The following B3GALT1 variants were observed in gnomAD, a reference collection of about 807,000 sequenced individuals.
The protein encoded by B3GALT1 is beta-1,3-galactosyltransferase 1, also known as UDP-Gal:betaGlcNAc beta 1,3-galactosyltransferase, polypeptide 1.
A neutral mutation model predicts 23.2 loss-of-function variants in B3GALT1; 10 were observed. That is an observed-to-expected ratio of 0.43 (90% CI 0.27 to 0.73). The LOEUF (loss-of-function observed/expected upper bound fraction) is 0.73, where lower values mean the gene tolerates loss of function less well. Ranked by LOEUF, B3GALT1 falls within the 30% of genes least tolerant of loss-of-function variation. The pLI is 0.21. For missense variants in B3GALT1, 299 were observed against 405.4 expected (o/e 0.74, Z 2.25); for synonymous variants, 156 against 141.5 (o/e 1.10, Z -0.73).
In B3GALT1 at chr2:167,869,782, C is replaced by T; in HGVS notation, c.743C>T (p.Ala248Val). The T allele has an allele frequency of 6.2e-7, 1 of 1,614,150 alleles. No homozygotes were observed. Among genetic ancestry groups the T allele is most frequent in the Non-Finnish European group, 8.5e-7 (1 of 1,180,022 alleles). Residue 248 changes from alanine to valine, a missense_variant, in exon 5 of 5, where the codon GCT becomes GTT. Around this residue, in one of 3 missense-constraint regions of B3GALT1, gnomAD observed 133 missense variants for 204.8 expected, o/e 0.65. Transcript: ENST00000392690. The surrounding 1 kb of genome is among the most constrained non-coding windows in gnomAD (Gnocchi z 6.4). The part of the protein sequence containing the change: ...GTGYIFSADV[A>V]ELIYKTSLHT... ...GGCTACATCTTTTCAGCCGATGTAG[C>T]TGAACTCATTTACAAGACCTCACTC... is the stretch of plus-strand genomic sequence containing the variant.
intron 4 of B3GALT1, among the ~76,000 whole-genome samples, chr2:167,843,931 C>G (rs1313626794): frequency 6.6e-6 from 1 of 152,188 alleles, no homozygotes; most frequent in African/African-American, 2.4e-5. Flanking sequence ...GTTTCTAGGA[C>G]AAGGCTTTAT....
intron 3 of B3GALT1, among the ~76,000 whole-genome samples, chr2:167,740,364 A>G (rs987452465): frequency 6.6e-6 from 1 of 152,130 alleles, no homozygotes; most frequent in African/African-American, 2.4e-5. Context: ...CTCTCCAGGA[A>G]TGTTGGTACA....
intron 1 of B3GALT1, among the ~76,000 whole-genome samples, chr2:167,448,853 G>T (rs1282991389): frequency 6.6e-6 from 1 of 152,024 alleles, no homozygotes; most frequent in South Asian, 2.1e-4. Flanking sequence ...TGTTGAATAG[G>T]GTGTGCTTTC....
chr2:167,750,976 A>G (rs1311878983), intron 3 of B3GALT1, among the ~76,000 whole-genome samples: 1 of 152,170 alleles, frequency 6.6e-6, no homozygotes, highest in Non-Finnish European at 1.5e-5. Flanking sequence ...CAGATGGTAA[A>G]TATTTTTGGC....
chr2:167,692,044 C>A (rs970515312), intron 3 of B3GALT1, among the ~76,000 whole-genome samples: 1 of 152,082 alleles, frequency 6.6e-6, no homozygotes, highest in Admixed American at 6.6e-5. Context: ...GCAAATAAAA[C>A]CCATTGCTGC....
At chr2:167,363,046 G>A (rs1318468296) in intron 1 of B3GALT1, among the ~76,000 whole-genome samples, 1 of 151,726 alleles carries the variant, frequency 6.6e-6, no homozygotes, top group African/African-American at 2.4e-5. Flanking sequence ...AGTAGAGATG[G>A]GGTTTGCCAT....
intron 1 of B3GALT1, among the ~76,000 whole-genome samples, chr2:167,479,630 C>T (rs1309503825): frequency 2.0e-5 from 3 of 151,990 alleles, no homozygotes; most frequent in East Asian, 1.9e-4. Context: ...TTCAGTCTTG[C>T]AATTTGAGGT....
intron 3 of B3GALT1, among the ~76,000 whole-genome samples, chr2:167,756,591 G>A (rs1057157329): frequency 6.6e-6 from 1 of 152,208 alleles, no homozygotes; most frequent in Non-Finnish European, 1.5e-5. Context: ...CCGGGGAATG[G>A]AATTTGAAAT....
intron 1 of B3GALT1, among the ~76,000 whole-genome samples, chr2:167,465,935 T>G (rs1380246269): frequency 1.3e-5 from 2 of 152,062 alleles, no homozygotes; most frequent in Non-Finnish European, 2.9e-5. Context: ...TTTCTCACAA[T>G]GACTTTTGTG....
At chr2:167,302,503 T>A (rs1346584017) in intron 1 of B3GALT1, among the ~76,000 whole-genome samples, 1 of 152,162 alleles carries the variant, frequency 6.6e-6, no homozygotes, top group African/African-American at 2.4e-5. Context: ...TATTCAGTGA[T>A]ATCTGGTTAA....
intron 1 of B3GALT1, among the ~76,000 whole-genome samples, chr2:167,439,897 C>T (rs180913622): frequency 1.3e-5 from 2 of 151,804 alleles, no homozygotes; most frequent in East Asian, 1.9e-4. Context: ...TTCATGAATC[C>T]CTATGTAATA....
chr2:167,661,990 T>A (rs1686067912), intron 3 of B3GALT1, among the ~76,000 whole-genome samples: 1 of 151,756 alleles, frequency 6.6e-6, no homozygotes, highest in South Asian at 2.1e-4. Context: ...CCTTTAGAAA[T>A]GTGAAGAAAC....
chr2:167,449,649 G>T (rs1559100590), intron 1 of B3GALT1, among the ~76,000 whole-genome samples: 1 of 152,138 alleles, frequency 6.6e-6, no homozygotes, highest in Non-Finnish European at 1.5e-5. Flanking sequence ...AGTGGTGAGA[G>T]TAAGTATCCT....
intron 2 of B3GALT1, among the ~76,000 whole-genome samples, chr2:167,626,963 A>C (rs960312490): frequency 1.3e-4 from 20 of 151,694 alleles, no homozygotes; most frequent in African/African-American, 4.8e-4. Context: ...CAATTATCAC[A>C]GTGTATGTTT....
intron 1 of B3GALT1, among the ~76,000 whole-genome samples, chr2:167,377,904 G>A (rs765209533): frequency 3.3e-5 from 5 of 152,108 alleles, no homozygotes; most frequent in African/African-American, 4.8e-5. Context: ...CTGTGTGGTT[G>A]CTTTATAGTG....
intron 3 of B3GALT1, among the ~76,000 whole-genome samples, chr2:167,738,956 A>G (rs1047057089): frequency 6.6e-6 from 1 of 152,200 alleles, no homozygotes; most frequent in Non-Finnish European, 1.5e-5. Flanking sequence ...AGACAGTATT[A>G]TAAACAGTCA....
intron 1 of B3GALT1, among the ~76,000 whole-genome samples, chr2:167,397,204 A>G (rs1369620759): frequency 1.3e-5 from 2 of 151,562 alleles, no homozygotes; most frequent in African/African-American, 4.8e-5. Context: ...TCCTTCATTC[A>G]TTCATTCTTC....
chr2:167,767,612 C>T (rs1044399251), intron 3 of B3GALT1, among the ~76,000 whole-genome samples: 10 of 152,144 alleles, frequency 6.6e-5, no homozygotes, highest in African/African-American at 2.4e-4. Context: ...TCATAATACA[C>T]ATTTTCCATG....
At chr2:167,479,983 C>T (rs1699539601) in intron 1 of B3GALT1, among the ~76,000 whole-genome samples, 1 of 151,912 alleles carries the variant, frequency 6.6e-6, no homozygotes, top group South Asian at 2.1e-4. Flanking sequence ...TGGCTGGGGC[C>T]ACAGGATGAT....
Sources: gnomAD v4.1 joint callset for allele counts (sites outside exome capture counted in the v4.1 genomes callset) on GRCh38, gnomAD v4.1.1 for gene constraint, gnomAD v4.1.1 regional missense constraint, Gnocchi (gnomAD v3.1) non-coding constraint, MANE v1.5 for transcripts, NCBI Gene and HGNC (gene_info 2026-07-23, HGNC 2026-07-21) for gene names.